Variants in PRKG1 observed in about 807,000 individuals in gnomAD.
PRKG1 encodes cGMP-dependent protein kinase 1.
PRKG1 carries 35 observed loss-of-function variants against 88.1 expected under a neutral mutation model. The ratio of observed to expected loss-of-function variants is 0.40; its 90% CI spans 0.30 to 0.53. The LOEUF is 0.53. Ranked by LOEUF, PRKG1 falls within the 20% of genes least tolerant of loss-of-function variation. PRKG1 has a pLI of 0.59. For synonymous variants in PRKG1, 303 were observed against 292.5 expected, an observed-to-expected ratio of 1.04 and a Z score of -0.37; for missense variants, 540 against 839.8, an observed-to-expected ratio of 0.64 and a Z score of 4.41.
At chr10:51,295,095 A>G (rs1176177806) in intron 2 of PRKG1, among the ~76,000 whole-genome samples, 1 of 152,128 alleles carries the variant, frequency 6.6e-6, no homozygotes, top group Non-Finnish European at 1.5e-5. Flanking sequence ...AGAGGAAAAA[A>G]AAAAGGATTG....
intron 2 of PRKG1, among the ~76,000 whole-genome samples, chr10:51,350,510 T>C (rs1186213662): frequency 6.6e-6 from 1 of 152,178 alleles, no homozygotes; most frequent in Non-Finnish European, 1.5e-5. Flanking sequence ...GGAAGCTTCT[T>C]TTCAGTTTTT....
intron 3 of PRKG1, among the ~76,000 whole-genome samples, chr10:51,638,218 T>G (rs775269257): frequency 6.6e-5 from 10 of 152,204 alleles, no homozygotes; most frequent in Non-Finnish European, 1.3e-4. Flanking sequence ...TCTGAAAAAT[T>G]GACTAGCAGT....
At chr10:51,175,148 G>A (rs1383865636) in intron 2 of PRKG1, among the ~76,000 whole-genome samples, 2 of 149,998 alleles carry the variant, frequency 1.3e-5, no homozygotes, top group African/African-American at 2.5e-5. Context: ...TACTAACAAC[G>A]TAATAGCTAA....
chr10:51,964,969 G>A (rs1415919184), intron 5 of PRKG1, among the ~76,000 whole-genome samples: 3 of 152,150 alleles, frequency 2.0e-5, no homozygotes, highest in African/African-American at 7.2e-5. Context: ...CCAAAAAACT[G>A]AAGCTTTTAG....
chr10:52,293,425 T>C (rs11001485), intron 17 of PRKG1, among the ~76,000 whole-genome samples: 7,212 of 151,998 alleles, frequency 0.047, 236 homozygotes, highest in South Asian at 0.15. Context: ...AAAGTTCATA[T>C]GGAACCAAAA....
intron 5 of PRKG1, among the ~76,000 whole-genome samples, chr10:52,005,251 CTTTTTTTT>C (rs10595402): frequency 1.7e-5 from 2 of 117,764 alleles, no homozygotes; most frequent in East Asian, 2.4e-4. Flanking sequence ...TAATGCCCAT[CTTTTTTTT>C]TTTTTTTTTT....
chr10:51,825,765 T>C (rs1007695230), intron 4 of PRKG1, among the ~76,000 whole-genome samples: 2 of 152,162 alleles, frequency 1.3e-5, no homozygotes, highest in African/African-American at 4.8e-5. Flanking sequence ...TTTTTAAAAT[T>C]AATCTAGCAG....
chr10:51,053,340 C>T (rs1843589015), intron 1 of PRKG1, among the ~76,000 whole-genome samples: 2 of 152,064 alleles, frequency 1.3e-5, no homozygotes, highest in African/African-American at 4.8e-5. Context: ...TGGAGATACA[C>T]TCTCCAAAGA....
chr10:51,438,437 G>A (rs947050881), intron 2 of PRKG1, among the ~76,000 whole-genome samples: 3 of 151,658 alleles, frequency 2.0e-5, no homozygotes, highest in African/African-American at 7.3e-5. Context: ...ATATCCTTAG[G>A]CTCTTCTTAG....
intron 5 of PRKG1, among the ~76,000 whole-genome samples, chr10:52,019,162 C>T (rs1373020040): frequency 6.6e-6 from 1 of 152,062 alleles, no homozygotes; most frequent in South Asian, 2.1e-4. Context: ...GGAGTGGGAA[C>T]TCAGTCACCC....
chr10:51,103,794 T>C (rs1844746305), intron 1 of PRKG1, among the ~76,000 whole-genome samples: 2 of 152,152 alleles, frequency 1.3e-5, no homozygotes, highest in East Asian at 3.9e-4. Context: ...GCATACCTAC[T>C]AGGTATGAAT....
intron 3 of PRKG1, among the ~76,000 whole-genome samples, chr10:51,531,912 G>A (rs909997437): frequency 9.9e-5 from 15 of 152,036 alleles, no homozygotes; most frequent in African/African-American, 3.6e-4. Flanking sequence ...CAAAGTGCTG[G>A]AATTACAGGC....
intron 2 of PRKG1, among the ~76,000 whole-genome samples, chr10:51,171,808 C>T (rs971796151): frequency 6.6e-6 from 1 of 151,990 alleles, no homozygotes; most frequent in African/African-American, 2.4e-5. Flanking sequence ...CTCTCTAAGC[C>T]CACTGTTCCA....
At chr10:51,898,511 T>C (rs2132926205) in intron 4 of PRKG1, among the ~76,000 whole-genome samples, 1 of 152,162 alleles carries the variant, frequency 6.6e-6, no homozygotes, top group South Asian at 2.1e-4. Flanking sequence ...ACAAATTAAT[T>C]AATTAAACAA....
intron 3 of PRKG1, among the ~76,000 whole-genome samples, chr10:51,607,525 C>A (rs957101723): frequency 6.6e-6 from 1 of 152,164 alleles, no homozygotes; most frequent in African/African-American, 2.4e-5. Context: ...GCTCCAGCCT[C>A]CACAGACCAT....
intron 3 of PRKG1, among the ~76,000 whole-genome samples, chr10:51,681,538 C>T (rs190229126): frequency 6.6e-6 from 1 of 152,066 alleles, no homozygotes; most frequent in Admixed American, 6.5e-5. Context: ...CTTAAAAAAA[C>T]CCCTCAGATT....
At chr10:52,195,839 T>C (rs1245852216) in intron 9 of PRKG1, among the ~76,000 whole-genome samples, 5 of 152,156 alleles carry the variant, frequency 3.3e-5, no homozygotes, top group Non-Finnish European at 7.4e-5. Flanking sequence ...CAAAAACTTA[T>C]AGTCAGATAT....
intron 2 of PRKG1, among the ~76,000 whole-genome samples, chr10:51,407,331 A>C (rs1457459711): frequency 6.6e-6 from 1 of 152,168 alleles, no homozygotes; most frequent in Non-Finnish European, 1.5e-5. Flanking sequence ...TCATAAAACA[A>C]CTATCTTTTG....
intron 1 of PRKG1, among the ~76,000 whole-genome samples, chr10:51,012,621 T>C (rs1051958805): frequency 3.3e-5 from 5 of 152,254 alleles, no homozygotes. Flanking sequence ...ATTCATTCAT[T>C]CAGCAACTAT....
Sources: allele counts gnomAD v4.1 joint callset (sites outside exome capture counted in the v4.1 genomes callset), GRCh38; gene constraint gnomAD v4.1.1; transcripts MANE v1.5; gene names NCBI Gene and HGNC (gene_info 2026-07-23, HGNC 2026-07-21).